The following TDRD3 variants were observed in gnomAD, a reference collection of about 807,000 sequenced individuals.
TDRD3 encodes tudor domain-containing protein 3.
A neutral mutation model predicts 86.7 loss-of-function variants in TDRD3; 45 were observed. The observed-to-expected ratio is 0.52, with a 90% CI of 0.41 to 0.67. The LOEUF is 0.67. TDRD3 is among the 30% of genes least tolerant of loss of function. TDRD3 has a pLI of 0.00. For missense variants in TDRD3, 814 were observed against 889.0 expected, an observed-to-expected ratio of 0.92 and a Z score of 1.07; for synonymous variants, 298 against 301.7, an observed-to-expected ratio of 0.99 and a Z score of 0.13.
chr13:60,401,564 C>A (rs1656406601), intron 1 of TDRD3, among the ~76,000 whole-genome samples: 1 of 152,114 alleles, frequency 6.6e-6, no homozygotes, highest in Non-Finnish European at 1.5e-5. Context: ...GAGTTGAAGA[C>A]CCTTTAAGGT....
At chr13:60,452,943 T>A (rs78398044) in intron 3 of TDRD3, among the ~76,000 whole-genome samples, 1,572 of 152,198 alleles carry the variant, frequency 0.01, 8 homozygotes, top group Non-Finnish European at 0.018. Flanking sequence ...CATTAGTCTT[T>A]GTTACAATAG....
intron 1 of TDRD3, among the ~76,000 whole-genome samples, chr13:60,411,633 T>C (rs1305177146): frequency 6.6e-6 from 1 of 151,984 alleles, no homozygotes; most frequent in Admixed American, 6.6e-5. Context: ...CAACCCAAAA[T>C]AGTTAGACAG....
At chr13:60,403,406 A>T (rs1954153832) in intron 1 of TDRD3, among the ~76,000 whole-genome samples, 1 of 152,190 alleles carries the variant, frequency 6.6e-6, no homozygotes, top group South Asian at 2.1e-4. Context: ...ATCATGTTTC[A>T]GTTAAGTGCC....
intron 3 of TDRD3, among the ~76,000 whole-genome samples, chr13:60,452,072 G>T (rs1324885150): frequency 1.3e-5 from 2 of 152,134 alleles, no homozygotes; most frequent in Non-Finnish European, 2.9e-5. Context: ...TTGGCTGATT[G>T]TAAGCTATGT....
chr13:60,416,074 G>T (rs1954503859), intron 1 of TDRD3, among the ~76,000 whole-genome samples: 1 of 152,104 alleles, frequency 6.6e-6, no homozygotes, highest in African/African-American at 2.4e-5. Context: ...AACTTTGTTG[G>T]ATGGCTCAAA....
chr13:60,451,849 A>G (rs920597059), intron 3 of TDRD3, among the ~76,000 whole-genome samples: 1 of 152,170 alleles, frequency 6.6e-6, no homozygotes, highest in African/African-American at 2.4e-5. Context: ...CTGCCCATAC[A>G]GATTTTAGAA....
At chr13:60,572,558 G>A (rs541536585) in intron 13 of TDRD3, among the ~76,000 whole-genome samples, 61 of 152,296 alleles carry the variant, frequency 4.0e-4, no homozygotes, top group African/African-American at 1.4e-3. Context: ...GCCTTTGTAA[G>A]ACAGATCAGC....
chr13:60,425,036 G>A (rs1422149519), intron 1 of TDRD3, among the ~76,000 whole-genome samples: 2 of 151,880 alleles, frequency 1.3e-5, no homozygotes, highest in African/African-American at 4.8e-5. Context: ...TTCATTTATC[G>A]GATGAACAGT....
intron 13 of TDRD3, among the ~76,000 whole-genome samples, chr13:60,572,620 A>G (rs1378941911): frequency 6.6e-6 from 1 of 152,186 alleles, no homozygotes; most frequent in Non-Finnish European, 1.5e-5. Flanking sequence ...AAGCAGTTAA[A>G]TAAACGCTGA....
chr13:60,426,238 A>G (rs1009378672), intron 1 of TDRD3, among the ~76,000 whole-genome samples: 1 of 152,216 alleles, frequency 6.6e-6, no homozygotes, highest in Non-Finnish European at 1.5e-5. Flanking sequence ...AAGAGCTCAA[A>G]TATAGAAATA....
chr13:60,539,800 T>C (rs1410628041), intron 12 of TDRD3, among the ~76,000 whole-genome samples: 1 of 151,972 alleles, frequency 6.6e-6, no homozygotes, highest in Non-Finnish European at 1.5e-5. Context: ...ATAATTCTAA[T>C]GAGGAGGGTG....
intron 11 of TDRD3, among the ~76,000 whole-genome samples, chr13:60,534,891 G>A (rs1358481526): frequency 1.4e-5 from 2 of 138,112 alleles, no homozygotes; most frequent in African/African-American, 5.6e-5. Context: ...TCTTGCTATT[G>A]CACTCCAGCC....
intron 1 of TDRD3, among the ~76,000 whole-genome samples, chr13:60,434,693 G>GA (rs1403208501): frequency 3.0e-4 from 43 of 145,216 alleles, no homozygotes; most frequent in Non-Finnish European, 3.9e-4. Context: ...ATTAGAGAGT[G>GA]AAAAAAAAAA....
At chr13:60,430,271 G>C (rs1454640825) in intron 1 of TDRD3, among the ~76,000 whole-genome samples, 2 of 152,066 alleles carry the variant, frequency 1.3e-5, no homozygotes, top group East Asian at 3.8e-4. Flanking sequence ...ATCTCCTTGG[G>C]GTTAATTCTG....
rs180941337 is a variant in TDRD3, at chr13:60,447,146, G to A, written c.192+2398G>A. On this transcript the variant is annotated intron_variant, in intron 3 of 13. Transcript: ENST00000377881. ...TATCCAGTGATCTTTCAAATAGGGC[G>A]TACTAAAAACCAATGTTCCAAAAAC... Among the ~76,000 whole-genome samples the A allele has an allele frequency of 2.0e-3, 303 of 152,228 alleles. 3 individuals are homozygous for A. The highest frequency in any genetic ancestry group is 6.6e-3 in the African/African-American group (274 of 41,538).
intron 2 of TDRD3, among the ~76,000 whole-genome samples, chr13:60,440,542 G>C (rs138808765): frequency 1.3e-5 from 2 of 152,038 alleles, no homozygotes; most frequent in Admixed American, 6.6e-5. Flanking sequence ...TTAGCTGGGC[G>C]TGGTAGTGTG....
At chr13:60,509,668 A>T (rs771615809) in intron 8 of TDRD3, 95 bp from the exon 9 acceptor site, 1 of 1,417,754 alleles carries the variant, frequency 7.1e-7, no homozygotes, top group South Asian at 1.2e-5. Flanking sequence ...TAAGTATGGG[A>T]TGTAATTTTT....
chr13:60,488,278 A>G (rs1320528045), intron 7 of TDRD3, among the ~76,000 whole-genome samples: 1 of 152,188 alleles, frequency 6.6e-6, no homozygotes, highest in African/African-American at 2.4e-5. Context: ...GTGGCATCTC[A>G]TTGTCTGGAT....
chr13:60,522,472 G>A (rs1957309977), intron 10 of TDRD3, among the ~76,000 whole-genome samples: 1 of 152,102 alleles, frequency 6.6e-6, no homozygotes, highest in South Asian at 2.1e-4. Context: ...GCTTATTAAA[G>A]CCAGATACTG....
Sources: gnomAD v4.1 joint callset for allele counts (sites outside exome capture counted in the v4.1 genomes callset) on GRCh38, gnomAD v4.1.1 for gene constraint, MANE v1.5 for transcripts, NCBI Gene and HGNC (gene_info 2026-07-23, HGNC 2026-07-21) for gene names.